Variants in NAP1L1 observed in about 807,000 individuals in gnomAD.
The protein encoded by NAP1L1 is nucleosome assembly protein 1-like 1.
NAP1L1 carries 9 observed loss-of-function variants against 58.9 expected under a neutral mutation model. The observed-to-expected ratio is 0.15, with a 90% CI of 0.09 to 0.27. The LOEUF (loss-of-function observed/expected upper bound fraction) is 0.27, where lower values mean the gene tolerates loss of function less well. Ranked by LOEUF, NAP1L1 falls within the 10% of genes least tolerant of loss-of-function variation. The probability of loss-of-function intolerance (pLI) is 1.00; values close to 1 mark genes in which losing one functional copy is unlikely to be tolerated. For missense variants in NAP1L1, 302 were observed against 458.8 expected (o/e 0.66, Z 3.12); for synonymous variants, 130 against 138.3 (o/e 0.94, Z 0.42).
chr12:76,072,454 T>G (rs749685612), intron 2 of NAP1L1, among the ~76,000 whole-genome samples: 3 of 152,050 alleles, frequency 2.0e-5, no homozygotes, highest in South Asian at 2.1e-4. Context: ...CAAAAGGTCA[T>G]GAGAGCAATC....
In NAP1L1 at chr12:76,039,793, A is replaced by C. The variant is rs1299616793; in HGVS notation, c.*8636T>G. 1 of 152,228 alleles carries C rather than the reference A, an allele frequency of 6.6e-6. No homozygotes were observed. Among genetic ancestry groups the C allele is most frequent in the Admixed American group, 6.5e-5 (1 of 15,280 alleles). The allele number at this position is 152,228 out of a possible 1,614,324, so 9.4% of individuals were successfully genotyped here. ...GAATTAATATTCTCAATCAAGTATGATTAAGGCATTATTTTTATTATCTTA... is the reference window on the plus strand; with the variant it reads ...GAATTAATATTCTCAATCAAGTATGCTTAAGGCATTATTTTTATTATCTTA... On this transcript the variant is annotated 3_prime_UTR_variant, in exon 15 of 15. Coordinates refer to ENST00000618691, the MANE Select transcript of NAP1L1 (RefSeq NM_004537.7).
intron 3 of NAP1L1, chr12:76,068,603 C>T (rs1397586356): frequency 4.1e-6 from 1 of 242,498 alleles, no homozygotes; most frequent in Non-Finnish European, 7.9e-6. Flanking sequence ...CACATCACAA[C>T]CTGTAACATT....
intron 1 of NAP1L1, 56 bp from the exon 2 acceptor site, chr12:76,074,295 T>A (rs568972608): frequency 6.0e-6 from 9 of 1,490,952 alleles, no homozygotes; most frequent in African/African-American, 5.8e-5. Flanking sequence ...TAAAAAAAAA[T>A]AAGAAACCAA....
intron 6 of NAP1L1, among the ~76,000 whole-genome samples, chr12:76,058,785 A>G (rs935232708): frequency 2.6e-5 from 4 of 152,146 alleles, no homozygotes; most frequent in African/African-American, 9.7e-5. Flanking sequence ...TGATTTTTTA[A>G]AAGAATTTGA....
chr12:76,066,371 A>G (rs951668065), intron 4 of NAP1L1, among the ~76,000 whole-genome samples: 4 of 152,210 alleles, frequency 2.6e-5, no homozygotes, highest in Admixed American at 1.3e-4. Flanking sequence ...ACTGTTTACC[A>G]GAGGACTCCA....
chr12:76,075,492 CATT>C (rs1156301838), intron 1 of NAP1L1, among the ~76,000 whole-genome samples: 6 of 152,166 alleles, frequency 3.9e-5, no homozygotes, highest in African/African-American at 1.2e-4. Flanking sequence ...TTGGGGGAAA[CATT>C]ATTACTGACC....
chr12:76,052,861 G>C (rs1021874705), intron 11 of NAP1L1, among the ~76,000 whole-genome samples: 2 of 152,190 alleles, frequency 1.3e-5, no homozygotes, highest in African/African-American at 4.8e-5. Context: ...ACAGCAATAT[G>C]TGAAGTTTCA....
intron 9 of NAP1L1, 141 bp downstream of exon 9, chr12:76,053,629 A>G: frequency 1.9e-6 from 2 of 1,069,324 alleles, no homozygotes; most frequent in Non-Finnish European, 2.6e-6. Flanking sequence ...AGGAAACTTG[A>G]TAAGCACTTT....
rs149573691 is a variant in NAP1L1, at chr12:76,067,826, G to T, written c.104-353C>A. Among the ~76,000 whole-genome samples the T allele has an allele frequency of 3.9e-4, 60 of 152,308 alleles. 2 individuals carry two copies. The South Asian group carries it at 8.7e-3, about 22-fold the overall frequency. On this transcript the variant is annotated intron_variant, in intron 3 of 14. Coordinates refer to ENST00000618691, the MANE Select transcript of NAP1L1 (RefSeq NM_004537.7). ...TATCTATGACTCTTGACAGTCCTCT[G>T]AATGCAGACAACACATATCAGAAAA...
chr12:76,061,119 G>A (rs758803479), intron 4 of NAP1L1: 1 of 379,702 alleles, frequency 2.6e-6, no homozygotes, highest in South Asian at 2.0e-5. Flanking sequence ...GCTTTGATGA[G>A]ATAAAGTTCA....
chr12:76,052,821 A>G (rs1480268188), intron 11 of NAP1L1, among the ~76,000 whole-genome samples: 4 of 152,226 alleles, frequency 2.6e-5, no homozygotes, highest in Admixed American at 2.6e-4. Flanking sequence ...TTACTAAGGA[A>G]GACAACAGTT....
chr12:76,074,882 C>CT (rs1950112693), intron 1 of NAP1L1, among the ~76,000 whole-genome samples: 1 of 152,166 alleles, frequency 6.6e-6, no homozygotes, highest in African/African-American at 2.4e-5. Context: ...TGTTAGATAA[C>CT]TGACAACCAC....
chr12:76,079,980 C>T (rs575420678), intron 1 of NAP1L1, among the ~76,000 whole-genome samples: 1 of 152,316 alleles, frequency 6.6e-6, no homozygotes, highest in African/African-American at 2.4e-5. Flanking sequence ...AGCCACCACA[C>T]CTGGCCTCCT....
chr12:76,083,442 A>G (rs746899948), intron 1 of NAP1L1, among the ~76,000 whole-genome samples: 47 of 150,570 alleles, frequency 3.1e-4, no homozygotes, highest in Non-Finnish European at 5.8e-4. Context: ...CACACGTAAA[A>G]TACATTAACT....
rs759375958 is a variant in NAP1L1, at chr12:76,053,206, T to C, written c.915A>G (p.Glu305=). The C allele has an allele frequency of 1.2e-6, 2 of 1,613,898 alleles. No homozygotes were observed. The highest frequency in any genetic ancestry group is 4.5e-5 in the East Asian group (2 of 44,842). ...DSFFNFFAPP[E]VPESGDLDDD... ...TACTCAAGCTAAAACATTATTTACC[T>C]TCAGGAGGGGCAAAAAAGTTAAAGA... The change falls in exon 10 of 15, where the codon GAA becomes GAG. Residue 305 remains glutamate, a splice_region_variant and synonymous_variant. Transcript: ENST00000618691.
At chr12:76,054,024 A>G (rs1592621916) in intron 8 of NAP1L1, 115 bp from the exon 9 acceptor site, 1 of 1,161,312 alleles carries the variant, frequency 8.6e-7, no homozygotes, top group East Asian at 2.7e-5. Context: ...TTTTTTTTCT[A>G]CTCTGAAATA....
Position 76,048,425 on chromosome 12 carries a change from T to A in NAP1L1, c.*4A>T. The A allele has an allele frequency of 6.2e-7, 1 of 1,613,446 alleles. No homozygotes were observed. On this transcript the variant is annotated 3_prime_UTR_variant, in exon 15 of 15. Transcript: ENST00000618691. ...GTTATCCTCAAGGCCACATACATCCTGCTTCACTGCTGCTTGCACTCTGCT... is the reference window on the plus strand; with the variant it reads ...GTTATCCTCAAGGCCACATACATCCAGCTTCACTGCTGCTTGCACTCTGCT...
At chr12:76,076,777 A>ATTG in intron 1 of NAP1L1, among the ~76,000 whole-genome samples, 1 of 151,940 alleles carries the variant, frequency 6.6e-6, no homozygotes. Context: ...GGGTGATTGT[A>ATTG]TTGTTGTTCA....
In NAP1L1 at chr12:76,037,607, T is replaced by G. The variant is rs983194117; in HGVS notation, c.*10822A>C. The G allele has an allele frequency of 6.6e-6, 1 of 152,210 alleles. No homozygotes were observed. Among genetic ancestry groups the G allele is most frequent in the Admixed American group, 6.5e-5 (1 of 15,278 alleles). The allele number at this position is 152,210 out of a possible 1,614,324, so 9.4% of individuals were successfully genotyped here. On this transcript the variant is annotated 3_prime_UTR_variant, in exon 15 of 15. Transcript: ENST00000618691. The stretch of plus-strand genomic sequence containing the variant: ...CATGACAAGCCCTCCACAGAATGGG[T>G]CCTACTTATTTTGACTCGTTCCACT...
Sources: gnomAD v4.1 joint callset for allele counts (sites outside exome capture counted in the v4.1 genomes callset) on GRCh38, gnomAD v4.1.1 for gene constraint, MANE v1.5 for transcripts, NCBI Gene and HGNC (gene_info 2026-07-23, HGNC 2026-07-21) for gene names.